PLAC1: variants seen among roughly 807,000 people sequenced by gnomAD.
PLAC1 encodes the protein placenta associated 1.
For missense variants in PLAC1, 136 were observed against 163.2 expected (o/e 0.83, Z 0.91); for synonymous variants, 68 against 62.1 (o/e 1.09, Z -0.44).
At chrX:134,754,640 G>A (rs906885640) in intron 1 of PLAC1, among the ~76,000 whole-genome samples, 1 of 110,504 alleles carries the variant, frequency 9.0e-6, no homozygotes, top group African/African-American at 3.3e-5. Flanking sequence ...AGGATTTCTA[G>A]TGGTAGGAGA....
Position 134,623,828 on chromosome X carries a change from A to G in PLAC1, c.-130-21706T>C, listed in dbSNP as rs1354213482. Among the ~76,000 whole-genome samples, 13 of 112,094 alleles carry G rather than the reference A, an allele frequency of 1.2e-4. No homozygotes were observed. The Admixed American group carries it at 1.2e-3, about 11-fold the overall frequency. ...GAAGCTTCCTCGTGCAGAGCTGCAA[A>G]GTGTTGACTTTACAACACCGGAAAT... On this transcript the variant is annotated intron_variant, in intron 1 of 2. Transcript: ENST00000359237.
At chrX:134,706,301 T>C (rs1300811720) in intron 2 of PLAC1, among the ~76,000 whole-genome samples, 2 of 112,288 alleles carry the variant, frequency 1.8e-5, no homozygotes, top group African/African-American at 6.5e-5. Flanking sequence ...CAGTGTGGTG[T>C]TGGAGAGGGC....
intron 2 of PLAC1, among the ~76,000 whole-genome samples, chrX:134,697,203 G>A (rs986322616): frequency 2.9e-4 from 32 of 110,811 alleles, no homozygotes; most frequent in African/African-American, 1.1e-3. Context: ...TGATATACCT[G>A]CCTAAATATG....
intron 2 of PLAC1, among the ~76,000 whole-genome samples, chrX:134,581,569 C>T (rs112742929): frequency 5.5e-4 from 57 of 103,589 alleles, no homozygotes; most frequent in African/African-American, 1.9e-3. Context: ...ACCTCCACCT[C>T]CTGGGTTCAA....
intron 2 of PLAC1, among the ~76,000 whole-genome samples, chrX:134,588,298 A>ATTTTT (rs75369405): frequency 4.7e-5 from 1 of 21,259 alleles, no homozygotes; most frequent in Non-Finnish European, 1.6e-4. Flanking sequence ...TATTTTATTT[A>ATTTTT]TTTATTTATT....
At chrX:134,630,277 ATTAT>A (rs1401702001) in intron 1 of PLAC1, among the ~76,000 whole-genome samples, 1 of 112,214 alleles carries the variant, frequency 8.9e-6, no homozygotes, top group African/African-American at 3.2e-5. Context: ...GGCCTCACTT[ATTAT>A]TTATTTCTAA....
intron 1 of PLAC1, 75 bp downstream of exon 1, chrX:134,658,253 G>A (rs1006683946): frequency 8.9e-6 from 1 of 112,488 alleles, no homozygotes; most frequent in East Asian, 2.8e-4. Flanking sequence ...TGACCTAAGC[G>A]AAGCTTTCAC....
intron 1 of PLAC1, among the ~76,000 whole-genome samples, chrX:134,760,863 C>A (rs1334164721): frequency 9.0e-6 from 1 of 110,920 alleles, no homozygotes; most frequent in Non-Finnish European, 1.9e-5. Flanking sequence ...GCCTTCTGTG[C>A]TTCTGTTCTT....
chrX:134,709,618 A>G (rs1331301586), intron 2 of PLAC1, among the ~76,000 whole-genome samples: 1 of 111,489 alleles, frequency 9.0e-6, no homozygotes, highest in Non-Finnish European at 1.9e-5. Context: ...TAAAAAATAA[A>G]ACTATATAGT....
intron 1 of PLAC1, among the ~76,000 whole-genome samples, chrX:134,626,942 C>T (rs2078239359): frequency 9.0e-6 from 1 of 110,959 alleles, no homozygotes; most frequent in South Asian, 3.9e-4. Context: ...TAAATGACAG[C>T]CACACAGGAG....
chrX:134,714,455 C>G (rs1054234353), intron 2 of PLAC1, among the ~76,000 whole-genome samples: 1 of 110,728 alleles, frequency 9.0e-6, no homozygotes, highest in Non-Finnish European at 1.9e-5. Flanking sequence ...ACATATACCC[C>G]CAATCCATCC....
At chrX:134,674,942 T>C (rs763752218) in intron 2 of PLAC1, among the ~76,000 whole-genome samples, 8 of 112,446 alleles carry the variant, frequency 7.1e-5, no homozygotes, top group Admixed American at 6.6e-4. Flanking sequence ...GAAAACTCAT[T>C]GAGAAAACAC....
At chrX:134,687,823 T>C (rs1404337239) in intron 2 of PLAC1, among the ~76,000 whole-genome samples, 16 of 3,212 alleles carry the variant, frequency 5.0e-3, no homozygotes, top group African/African-American at 8.8e-3. Flanking sequence ...AACATATATA[T>C]ATATATATAT....
At chrX:134,656,339 T>C (rs773872540) in intron 1 of PLAC1, among the ~76,000 whole-genome samples, 3 of 111,467 alleles carry the variant, frequency 2.7e-5, no homozygotes, top group Admixed American at 1.9e-4. Flanking sequence ...TATCTGTAAA[T>C]TGGAAATAAC....
chrX:134,729,778 T>C (rs1201442906), intron 2 of PLAC1, among the ~76,000 whole-genome samples: 1 of 111,766 alleles, frequency 8.9e-6, no homozygotes, highest in East Asian at 2.8e-4. Context: ...TCTTTTTCTT[T>C]CTTTCTATCT....
chrX:134,596,497 A>G (rs2078062763), intron 2 of PLAC1, among the ~76,000 whole-genome samples: 1 of 112,402 alleles, frequency 8.9e-6, no homozygotes, highest in Non-Finnish European at 1.9e-5. Flanking sequence ...TTCTTTCAGC[A>G]TTTGAAAAAT....
At chrX:134,611,958 ATCACC>A (rs2078156034) in intron 1 of PLAC1, among the ~76,000 whole-genome samples, 1 of 111,144 alleles carries the variant, frequency 9.0e-6, no homozygotes, top group African/African-American at 3.3e-5. Context: ...ACTCCACTCC[ATCACC>A]TCACCGTACT....
intron 1 of PLAC1, among the ~76,000 whole-genome samples, chrX:134,756,098 G>A (rs749893360): frequency 5.5e-5 from 6 of 108,612 alleles, no homozygotes; most frequent in Admixed American, 9.8e-5. Context: ...AGATCCGCCC[G>A]CCTTGGCCTC....
At chrX:134,583,297 G>T in intron 2 of PLAC1, among the ~76,000 whole-genome samples, 1 of 107,145 alleles carries the variant, frequency 9.3e-6, no homozygotes, top group East Asian at 2.9e-4. Context: ...TTGATATGTT[G>T]CCCATGCTAG....
Sources: gnomAD v4.1 joint callset for allele counts (sites outside exome capture counted in the v4.1 genomes callset) on GRCh38, gnomAD v4.1.1 for gene constraint, MANE v1.5 for transcripts, NCBI Gene and HGNC (gene_info 2026-07-23, HGNC 2026-07-21) for gene names.